The following STXBP5 variants were observed in gnomAD, a reference collection of about 807,000 sequenced individuals.
STXBP5 encodes the protein syntaxin binding protein 5, also known as syntaxin-binding protein 5.
Under a neutral mutation model 152.4 loss-of-function variants are expected in STXBP5, and 50 were observed. That is an observed-to-expected ratio of 0.33 (90% CI 0.26 to 0.42). The LOEUF (loss-of-function observed/expected upper bound fraction) is 0.42. Ranked by LOEUF, STXBP5 falls within the 10% of genes least tolerant of loss-of-function variation. The pLI is 1.00. For missense variants in STXBP5, 1,167 were observed against 1,388.6 expected, an observed-to-expected ratio of 0.84 and a Z score of 2.54; for synonymous variants, 492 against 494.7, an observed-to-expected ratio of 0.99 and a Z score of 0.07.
chr6:147,337,292 G>A (rs941352657), intron 19 of STXBP5, among the ~76,000 whole-genome samples: 1 of 151,380 alleles, frequency 6.6e-6, no homozygotes, highest in African/African-American at 2.4e-5. Context: ...CACATACCAT[G>A]ATGTAAATGG....
rs76472567 is a variant in STXBP5 at position 147,281,084 on chromosome 6, A to G, written c.838+2880A>G. Among the ~76,000 whole-genome samples the G allele has an allele frequency of 3.8e-3, 580 of 152,292 alleles. 3 individuals carry two copies. Among genetic ancestry groups the G allele is most frequent in the African/African-American group, 0.013 (542 of 41,560 alleles). ...AAAGCTAAATTCATGTTGACTCTAC[A>G]ACTGAATTCATGGCAAAGCTGGAGT... On this transcript the variant is annotated intron_variant, in intron 8 of 27. Transcript: ENST00000321680.
rs762057394 is a variant in STXBP5 at position 147,239,273 on chromosome 6, A to G, written c.431+3A>G. The G allele has an allele frequency of 1.2e-6, 2 of 1,610,982 alleles. No homozygotes were observed. The highest frequency in any genetic ancestry group is 1.7e-6 in the Non-Finnish European group (2 of 1,177,544). ...TCGCTTAAATTTTGCAGAGAAAGGT[A>G]AGAATTCTCCCAGTTATCTTATGTA... On this transcript the variant is annotated splice_donor_region_variant and intron_variant, in intron 4 of 27. Coordinates refer to ENST00000321680, the MANE Select transcript of STXBP5 (RefSeq NM_001127715.4).
At chr6:147,308,950 G>T (rs1782233257) in intron 9 of STXBP5, among the ~76,000 whole-genome samples, 1 of 152,128 alleles carries the variant, frequency 6.6e-6, no homozygotes, top group Non-Finnish European at 1.5e-5. Context: ...GCCAGGCACT[G>T]TCCAGTTTAA....
intron 2 of STXBP5, among the ~76,000 whole-genome samples, chr6:147,213,494 A>G (rs1404859781): frequency 7.6e-6 from 1 of 131,448 alleles, no homozygotes; most frequent in East Asian, 2.0e-4. Context: ...GCATATATAT[A>G]TTTTTTCTTT....
intron 9 of STXBP5, chr6:147,292,217 A>T (rs746882761): frequency 2.9e-5 from 13 of 450,852 alleles, no homozygotes; most frequent in Middle Eastern, 6.6e-4. Context: ...TATATATATA[A>T]AAATGTCGTT....
chr6:147,372,281 C>T (rs1785576457), intron 25 of STXBP5, among the ~76,000 whole-genome samples: 1 of 151,878 alleles, frequency 6.6e-6, no homozygotes, highest in South Asian at 2.1e-4. Flanking sequence ...ACAGCCTTTA[C>T]CAGCCTTCTT....
chr6:147,333,059 C>G (rs1783656791), intron 18 of STXBP5, among the ~76,000 whole-genome samples: 1 of 152,242 alleles, frequency 6.6e-6, no homozygotes, highest in South Asian at 2.1e-4. Flanking sequence ...AGTGTTATCA[C>G]TACTGTTTAG....
chr6:147,209,142 G>A (rs528967381), intron 2 of STXBP5, among the ~76,000 whole-genome samples: 151 of 152,120 alleles, frequency 9.9e-4, no homozygotes, highest in Admixed American at 2.0e-3. Context: ...TAAACACAAT[G>A]AGGTCATTAT....
At chr6:147,314,765 T>A in intron 14 of STXBP5, 129 bp downstream of exon 14, 2 of 617,982 alleles carry the variant, frequency 3.2e-6, no homozygotes, top group Non-Finnish European at 5.1e-6. Context: ...AATGCTTGAT[T>A]TATTAAATAC....
intron 8 of STXBP5, among the ~76,000 whole-genome samples, chr6:147,280,067 C>CT (rs11423985): frequency 0.53 from 77,029 of 146,152 alleles, 20,225 homozygotes; most frequent in East Asian, 0.73. Flanking sequence ...ATTCCATGGT[C>CT]TTTTTTTTTT....
chr6:147,224,850 A>G (rs570313207), intron 2 of STXBP5, among the ~76,000 whole-genome samples: 1 of 152,284 alleles, frequency 6.6e-6, no homozygotes, highest in African/African-American at 2.4e-5. Flanking sequence ...TGCTTCCATC[A>G]ATATTCTTTG....
At position 147,383,363 on chromosome 6, in the gene STXBP5, G is replaced by A. The variant is rs561638446; in HGVS notation, c.3414+365G>A. 2.6e-5 allele frequency among the ~76,000 whole-genome samples: 4 copies of A among 152,202 alleles called. No individual in the cohort carries two copies. In the South Asian group the frequency reaches 8.3e-4, roughly 32 times the overall value. ...AAAAAGAAATAATTTGCCTCCTTGA[G>A]TCTTCCAGATAGATATAAATAACTA... On this transcript the variant is annotated intron_variant, in intron 27 of 27. Coordinates refer to ENST00000321680, the MANE Select transcript of STXBP5 (RefSeq NM_001127715.4).
intron 4 of STXBP5, among the ~76,000 whole-genome samples, chr6:147,251,661 A>C (rs1286890569): frequency 2.0e-5 from 3 of 152,220 alleles, no homozygotes; most frequent in African/African-American, 7.2e-5. Context: ...CTGTGGGCGC[A>C]GCTTCAGCAG....
In STXBP5 at chr6:147,359,140, A is replaced by G; in HGVS notation, c.2362A>G (p.Lys788Glu). Reference protein sequence around the residue: ...SRSSSVTSIDKESREAISALH... With the variant: ...SRSSSVTSIDEESREAISALH... ...GAGTTCAAGTGTAACAAGCATTGAC[A>G]AAGAATCCCGAGAAGCGATCTCCGC... The change falls in exon 23 of 28, where the codon AAA becomes GAA. Residue 788 changes from lysine (K) to glutamate (E), a missense_variant. By Grantham distance (56) the Lys-to-Glu change is moderately conservative. Transcript: ENST00000321680. 1 of 1,614,040 alleles carries G rather than the reference A, an allele frequency of 6.2e-7. No homozygotes were observed. The highest frequency in any genetic ancestry group is 8.5e-7 in the Non-Finnish European group (1 of 1,179,928).
chr6:147,359,198 C>T lies in STXBP5; in HGVS notation c.2420C>T (p.Thr807Met), dbSNP rs777806209. The change falls in exon 23 of 28, where the codon ACG (threonine) becomes ATG (methionine). Residue 807 changes from threonine to methionine, a missense_variant. Transcript: ENST00000321680. Reference sequence around the variant, plus strand: ...TTCTGTGAAACGTTTACTCGAAAGACGGACTCGTCCCCTTCCCCTTGTCTA... The same window carrying T: ...TTCTGTGAAACGTTTACTCGAAAGATGGACTCGTCCCCTTCCCCTTGTCTA... ...LHFCETFTRK[T>M]DSSPSPCLWV... The T allele has an allele frequency of 1.4e-5, 22 of 1,613,928 alleles. No homozygotes were observed. Among genetic ancestry groups the T allele is most frequent in the South Asian group, 6.6e-5 (6 of 91,084 alleles).
chr6:147,306,823 C>T (rs564314582), intron 9 of STXBP5, among the ~76,000 whole-genome samples: 1 of 152,316 alleles, frequency 6.6e-6, no homozygotes, highest in East Asian at 1.9e-4. Flanking sequence ...GGACTGTCCT[C>T]GTCATGCTGT....
chr6:147,336,443 G>C (rs1783829759), intron 19 of STXBP5, among the ~76,000 whole-genome samples: 2 of 151,162 alleles, frequency 1.3e-5, no homozygotes, highest in South Asian at 4.2e-4. Flanking sequence ...GGAAAATAAA[G>C]AAATAATTTA....
intron 4 of STXBP5, among the ~76,000 whole-genome samples, chr6:147,242,992 A>C (rs1255170564): frequency 6.6e-6 from 1 of 152,076 alleles, no homozygotes; most frequent in African/African-American, 2.4e-5. Flanking sequence ...ATTTCCATTC[A>C]CCTATTGAAG....
chr6:147,314,924 T>C (rs1478070522), intron 14 of STXBP5, among the ~76,000 whole-genome samples: 2 of 152,150 alleles, frequency 1.3e-5, no homozygotes, highest in Middle Eastern at 3.2e-3. Context: ...GTGTTCCAAA[T>C]CAACAGAAAT....
Sources: allele counts gnomAD v4.1 joint callset (sites outside exome capture counted in the v4.1 genomes callset), GRCh38; gene constraint gnomAD v4.1.1; transcripts MANE v1.5; gene names NCBI Gene and HGNC (gene_info 2026-07-23, HGNC 2026-07-21).